Variants in IPO8 observed in about 807,000 individuals in gnomAD.
The protein encoded by IPO8 is importin-8.
A neutral mutation model predicts 141.2 loss-of-function variants in IPO8; 65 were observed. The observed-to-expected ratio is 0.46, with a 90% CI of 0.38 to 0.57. The LOEUF is 0.57. Among genes scored for constraint, IPO8 ranks in the 20% least tolerant of loss-of-function variants. The pLI, the probability that IPO8 is intolerant of heterozygous loss-of-function variation, is 0.00. For missense variants in IPO8, 980 were observed against 1,246.8 expected (o/e 0.79, Z 3.22); for synonymous variants, 411 against 420.3 (o/e 0.98, Z 0.27).
At chr12:30,651,177 CCTCT>C (rs929890024) in intron 19 of IPO8, among the ~76,000 whole-genome samples, 14 of 152,078 alleles carry the variant, frequency 9.2e-5, no homozygotes, top group African/African-American at 3.1e-4. Context: ...CTATCAGCTA[CCTCT>C]CTAACAGGGA....
Position 30,656,673 on chromosome 12 carries a change from T to C in IPO8, c.1948+11A>G. On this transcript the variant is annotated intron_variant, in intron 17 of 24. Transcript: ENST00000256079. Reference sequence around the variant, plus strand: ...TTTCAATTTATCTTTTTATTTAACCTTTGAACTTACCAATTACATGTTTCT... The same window carrying C: ...TTTCAATTTATCTTTTTATTTAACCCTTGAACTTACCAATTACATGTTTCT... 1 of 1,513,038 alleles carries C rather than the reference T, an allele frequency of 6.6e-7. No individual in the cohort carries two copies. The allele number at this position is 1,513,038 out of a possible 1,614,324, so 93.7% of individuals were successfully genotyped here. A position where few individuals can be genotyped will look rare whatever the true frequency, so the allele number is the denominator to read the frequency against.
intron 21 of IPO8, among the ~76,000 whole-genome samples, chr12:30,638,153 C>G (rs2052527852): frequency 6.6e-6 from 1 of 152,142 alleles, no homozygotes; most frequent in Non-Finnish European, 1.5e-5. Context: ...CCCAAGGACT[C>G]CCAGTCTACA....
At chr12:30,634,450 CAAAAAATAAAAAT>C (rs2052475484) in intron 22 of IPO8, among the ~76,000 whole-genome samples, 164 bp from the exon 23 acceptor site, 1 of 151,724 alleles carries the variant, frequency 6.6e-6, no homozygotes, top group South Asian at 2.1e-4. Context: ...AGAGGAGAGT[CAAAAAATAAAAAT>C]AAAAAATAAA....
At position 30,684,391 on chromosome 12, in the gene IPO8, G is replaced by C. The variant is rs2053219226; in HGVS notation, c.233C>G (p.Ala78Gly). The change falls in exon 3 of 25, where the codon GCA becomes GGA. Residue 78 changes from alanine (A) to glycine (G), a missense_variant. By Grantham distance (60) the Ala-to-Gly change is moderately conservative. Transcript: ENST00000256079. ...TTCGTGAATGTTGAATGGAAATATTGCTTCTCCTGGTGGAGGTTCTCGATC... is the reference window on the plus strand; with the variant it reads ...TTCGTGAATGTTGAATGGAAATATTCCTTCTCCTGGTGGAGGTTCTCGATC... The part of the protein sequence containing the change: ...WPDREPPPGE[A>G]IFPFNIHEND... 6.2e-7 allele frequency: 1 copy of C among 1,614,012 alleles called. No individual in the cohort carries two copies.
Position 30,639,653 on chromosome 12 carries a change from T to A in IPO8, c.2351A>T (p.Gln784Leu), listed in dbSNP as rs893694946. 3 of 1,614,100 alleles carry A rather than the reference T, an allele frequency of 1.9e-6. No individual in the cohort carries two copies. Among genetic ancestry groups the A allele is most frequent in the East Asian group, 2.2e-5 (1 of 44,858 alleles). ...GTAGTACAAGGCAGCAATTGCAACCTGAAGACACATAGTACGAAGCTCACT... is the reference window on the plus strand; with the variant it reads ...GTAGTACAAGGCAGCAATTGCAACCAGAAGACACATAGTACGAAGCTCACT... Reference protein sequence around the residue: ...KTSELRTMCLQVAIAALYYNP... With the variant: ...KTSELRTMCLLVAIAALYYNP... The change falls in exon 21 of 25, where the codon CAG (glutamine) becomes CTG (leucine). Residue 784 changes from glutamine (Q) to leucine (L), a missense_variant. Gln to Leu is a moderately radical substitution (Grantham distance 113). Transcript: ENST00000256079.
chr12:30,666,716 G>A (rs2052971139), intron 10 of IPO8, among the ~76,000 whole-genome samples: 1 of 152,126 alleles, frequency 6.6e-6, no homozygotes, highest in African/African-American at 2.4e-5. Context: ...ATGTAAAATA[G>A]GGTAAAGAGA....
At chr12:30,680,313 G>A (rs568157315) in intron 5 of IPO8, 169 bp downstream of exon 5, 12 of 528,934 alleles carry the variant, frequency 2.3e-5, no homozygotes, top group South Asian at 1.6e-4. Context: ...CCATTGAGAC[G>A]ATCTTGGGTA....
At chr12:30,694,134 C>T (rs2053316177) in intron 1 of IPO8, among the ~76,000 whole-genome samples, 1 of 152,154 alleles carries the variant, frequency 6.6e-6, no homozygotes, top group Admixed American at 6.5e-5. Context: ...GCCAACTCCC[C>T]TGTTCATATT....
At chr12:30,640,953 T>C (rs1462230667) in intron 20 of IPO8, among the ~76,000 whole-genome samples, 2 of 152,202 alleles carry the variant, frequency 1.3e-5, no homozygotes, top group Non-Finnish European at 2.9e-5. Flanking sequence ...AACATCACTA[T>C]GTATTCTATA....
chr12:30,651,278 C>G (rs1222697944), intron 19 of IPO8, among the ~76,000 whole-genome samples: 5 of 152,142 alleles, frequency 3.3e-5, no homozygotes, highest in African/African-American at 1.2e-4. Flanking sequence ...AGTTCAGCCC[C>G]TTCACTTTAC....
intron 16 of IPO8, among the ~76,000 whole-genome samples, chr12:30,657,133 T>TA (rs1016601528): frequency 3.9e-5 from 6 of 151,920 alleles, no homozygotes; most frequent in Non-Finnish European, 5.9e-5. Context: ...ATCATCTGAC[T>TA]AAAAAATTAA....
intron 19 of IPO8, among the ~76,000 whole-genome samples, chr12:30,649,746 AAGTTATCAGAC>A (rs2052699979): frequency 6.6e-6 from 1 of 152,102 alleles, no homozygotes; most frequent in African/African-American, 2.4e-5. Flanking sequence ...GAATATAACA[AAGTTATCAGAC>A]AGTTCCCCTA....
At chr12:30,669,121 A>C (rs1264151790) in intron 10 of IPO8, 62 bp downstream of exon 10, 1 of 676,852 alleles carries the variant, frequency 1.5e-6, no homozygotes, top group Non-Finnish European at 2.5e-6. Context: ...TTAAAAATAT[A>C]AATTTAGTTA....
In IPO8 at chr12:30,695,146, C is replaced by T; in HGVS notation, c.84+418G>A. The T allele has an allele frequency of 2.6e-6, 1 of 390,820 alleles. No individual in the cohort carries two copies. Among genetic ancestry groups the T allele is most frequent in the Non-Finnish European group, 5.0e-6 (1 of 200,094 alleles). The allele number at this position is 390,820 out of a possible 1,614,324, so 24.2% of individuals were successfully genotyped here. A position where few individuals can be genotyped will look rare whatever the true frequency, so the allele number is the denominator to read the frequency against. ...GTGGGCAGCGTGCTCCACAGCAACA[C>T]CTAAAAAGGGCTGGGTTTGGAAAAA... On this transcript the variant is annotated intron_variant, in intron 1 of 24. Transcript: ENST00000256079. This position sits in a 1 kb window ranked among gnomAD's most constrained non-coding sequence, Gnocchi z 4.2.
intron 20 of IPO8, among the ~76,000 whole-genome samples, chr12:30,647,781 T>G (rs550531403): frequency 6.6e-6 from 1 of 152,010 alleles, no homozygotes; most frequent in Admixed American, 6.5e-5. Context: ...TATAATGAAC[T>G]CCAACAACTC....
At chr12:30,658,837 CT>C (rs1490718747) in intron 16 of IPO8, among the ~76,000 whole-genome samples, 1 of 149,754 alleles carries the variant, frequency 6.7e-6, no homozygotes, top group Non-Finnish European at 1.5e-5. Flanking sequence ...AAATTAAGCC[CT>C]TTAGGCAAAT....
In IPO8 at chr12:30,671,045, G is replaced by A. The variant is rs759724163; in HGVS notation, c.961C>T (p.Arg321Cys). 2.4e-5 allele frequency: 38 copies of A among 1,609,112 alleles called. No homozygotes were observed. The highest frequency in any genetic ancestry group is 5.3e-5 in the African/African-American group (4 of 74,864). ...TAGTTGAATGCTTGCTGAAGAACAC[G>A]GGGAGCTACATATTCTTTCTGTCTA... ...QYRQKEYVAPRVLQQAFNYLN... is the reference protein window; with the variant it reads ...QYRQKEYVAPCVLQQAFNYLN... The change falls in exon 9 of 25, where the codon CGT becomes TGT. Residue 321 changes from arginine to cysteine, a missense_variant. By Grantham distance (180) the Arg-to-Cys change is radical (BLOSUM62 -3). Transcript: ENST00000256079.
At chr12:30,634,650 A>T (rs899924934) in intron 22 of IPO8, among the ~76,000 whole-genome samples, 1 of 150,820 alleles carries the variant, frequency 6.6e-6, no homozygotes, top group African/African-American at 2.4e-5. Context: ...ACCTTTGTTT[A>T]AAAAAAAAGT....
At chr12:30,657,349 T>G (rs781051818) in intron 16 of IPO8, among the ~76,000 whole-genome samples, 3 of 152,140 alleles carry the variant, frequency 2.0e-5, no homozygotes, top group Non-Finnish European at 4.4e-5. Flanking sequence ...GAGTACAAAT[T>G]CCAAGTGCAA....
Sources: allele counts gnomAD v4.1 joint callset (sites outside exome capture counted in the v4.1 genomes callset), GRCh38; gene constraint gnomAD v4.1.1; non-coding constraint Gnocchi (gnomAD v3.1); transcripts MANE v1.5; gene names NCBI Gene and HGNC (gene_info 2026-07-23, HGNC 2026-07-21).